HIPK2: variants seen among roughly 807,000 people sequenced by gnomAD.
HIPK2 encodes homeodomain interacting protein kinase 2.
HIPK2 carries 27 observed loss-of-function variants against 113.7 expected under a neutral mutation model. The observed-to-expected ratio is 0.24, with a 90% CI of 0.17 to 0.33. The LOEUF (loss-of-function observed/expected upper bound fraction) is 0.33, where lower values mean the gene tolerates loss of function less well. Ranked by LOEUF, HIPK2 falls within the 10% of genes least tolerant of loss-of-function variation. HIPK2 has a pLI of 1.00. For missense variants in HIPK2, 1,257 were observed against 1,588.0 expected (o/e 0.79, Z 3.54); for synonymous variants, 631 against 642.2 (o/e 0.98, Z 0.26).
rs568828191 is a variant in HIPK2 at position 139,754,024 on chromosome 7, C to T, written c.19+23581G>A. The stretch of plus-strand genomic sequence containing the variant: ...GCTTCCACCTGACTTCAAAGACGGG[C>T]GCCACGCTGGAGCCAGTGCACAACA... On this transcript the variant is annotated intron_variant, in intron 1 of 14. Coordinates refer to ENST00000406875, the MANE Select transcript of HIPK2 (RefSeq NM_022740.5). 1.7e-4 allele frequency among the ~76,000 whole-genome samples: 26 copies of T among 152,208 alleles called. 1 individual carries two copies. Among genetic ancestry groups the T allele is most frequent in the South Asian group, 4.1e-4 (2 of 4,832 alleles).
intron 2 of HIPK2, among the ~76,000 whole-genome samples, chr7:139,653,735 T>C (rs1014328625): frequency 1.3e-5 from 2 of 151,722 alleles, no homozygotes; most frequent in Non-Finnish European, 2.9e-5. Flanking sequence ...CTCGAGACTG[T>C]TGTTGTTTTT....
At chr7:139,720,572 C>T (rs1795378332) in intron 1 of HIPK2, among the ~76,000 whole-genome samples, 1 of 152,208 alleles carries the variant, frequency 6.6e-6, no homozygotes. Flanking sequence ...AGTCAACATC[C>T]CCCTTATTCT....
At chr7:139,739,836 T>C (rs950816880) in intron 1 of HIPK2, among the ~76,000 whole-genome samples, 4 of 152,186 alleles carry the variant, frequency 2.6e-5, no homozygotes, top group Non-Finnish European at 5.9e-5. Context: ...TCTGGCTTCT[T>C]TTGCTTAACA....
At chr7:139,745,272 T>G (rs1312280940) in intron 1 of HIPK2, among the ~76,000 whole-genome samples, 1 of 152,166 alleles carries the variant, frequency 6.6e-6, no homozygotes, top group Non-Finnish European at 1.5e-5. Context: ...AGGAGTGCTC[T>G]GAAAAGTCCC....
At chr7:139,633,679 T>A (rs1272460010) in intron 2 of HIPK2, among the ~76,000 whole-genome samples, 1 of 150,302 alleles carries the variant, frequency 6.7e-6, no homozygotes, top group Non-Finnish European at 1.5e-5. Context: ...GCGCAGTGGT[T>A]CAGGCCTGTA....
intron 1 of HIPK2, among the ~76,000 whole-genome samples, chr7:139,717,719 A>G (rs564889679): frequency 4.7e-5 from 7 of 148,106 alleles, no homozygotes; most frequent in African/African-American, 1.8e-4. Context: ...AGAAAGTACT[A>G]TTTCTTTTTG....
chr7:139,671,088 A>C (rs1409417914), intron 2 of HIPK2, among the ~76,000 whole-genome samples: 2 of 152,186 alleles, frequency 1.3e-5, no homozygotes, highest in African/African-American at 4.8e-5. Flanking sequence ...GCCAATTTTA[A>C]ATACCTTCTA....
Position 139,716,752 on chromosome 7 carries a change from C to T in HIPK2, c.283G>A (p.Val95Ile). The T allele has an allele frequency of 6.2e-7, 1 of 1,613,932 alleles. No homozygotes were observed. The highest frequency in any genetic ancestry group is 2.2e-5 in the East Asian group (1 of 44,880). Residue 95 changes from valine (V) to isoleucine (I), a missense_variant, in exon 2 of 15, where the codon GTC becomes ATC. This residue lies in a region of HIPK2 where 209 missense variants were observed against 237.8 expected (regional missense o/e 0.88). Transcript: ENST00000406875. This position sits in a 1 kb window ranked among gnomAD's most constrained non-coding sequence, Gnocchi z 9.3. The stretch of plus-strand genomic sequence containing the variant: ...ACAGAAGTGCTGCTTGCTGAGGTGA[C>T]CACGATGTGCCCGGTGCTTCCTGGG... ...VFPGSTGHIV[V>I]TSASSTSVTG...
At chr7:139,769,353 C>CTCCATCTCCACGGCCGCAGTGCCTT (rs1203472472) in intron 1 of HIPK2, among the ~76,000 whole-genome samples, 46 of 151,602 alleles carry the variant, frequency 3.0e-4, no homozygotes, top group East Asian at 3.9e-4. Flanking sequence ...CATGGCCCAC[C>CTCCATCTCCACGGCCGCAGTGCCTT]CCTGGCTGTC....
Position 139,707,632 on chromosome 7 carries a change from C to T in HIPK2, c.1103+8300G>A, listed in dbSNP as rs1030025715. ...TCTACTCGGGGACAGCCTCTTCCAT[C>T]GCAGACTGGGGACAGATACTGCAGA... On this transcript the variant is annotated intron_variant, in intron 2 of 14. Transcript: ENST00000406875. 4.6e-5 allele frequency among the ~76,000 whole-genome samples: 7 copies of T among 152,218 alleles called. 1 individual carries two copies. Among genetic ancestry groups the T allele is most frequent in the African/African-American group, 1.7e-4 (7 of 41,448 alleles).
intron 13 of HIPK2, among the ~76,000 whole-genome samples, chr7:139,579,200 G>A (rs1028967547): frequency 6.6e-6 from 1 of 152,182 alleles, no homozygotes; most frequent in Non-Finnish European, 1.5e-5. Flanking sequence ...GCCCAAAGTA[G>A]GGGTGTTCAA....
At chr7:139,679,533 C>T (rs774368129) in intron 2 of HIPK2, among the ~76,000 whole-genome samples, 1 of 152,138 alleles carries the variant, frequency 6.6e-6, no homozygotes, top group Non-Finnish European at 1.5e-5. Context: ...AACAACCTAT[C>T]GAACTGCCTT....
chr7:139,591,227 A>G (rs1425544093), intron 12 of HIPK2, among the ~76,000 whole-genome samples: 3 of 152,152 alleles, frequency 2.0e-5, no homozygotes, highest in African/African-American at 7.2e-5. Flanking sequence ...CACATATATC[A>G]CCCTTAAGAT....
At chr7:139,595,585 A>G (rs964889403) in intron 12 of HIPK2, among the ~76,000 whole-genome samples, 1 of 152,204 alleles carries the variant, frequency 6.6e-6, no homozygotes, top group Non-Finnish European at 1.5e-5. Flanking sequence ...AATGACAATT[A>G]GGCTGTACCT....
intron 2 of HIPK2, among the ~76,000 whole-genome samples, chr7:139,710,578 C>T (rs1004987226): frequency 6.6e-6 from 1 of 152,218 alleles, no homozygotes; most frequent in African/African-American, 2.4e-5. Context: ...AGACTGTGAA[C>T]TCTGCAAGAT....
Position 139,567,411 on chromosome 7 carries a change from AAAAG to A in HIPK2, c.*5512_*5515del, listed in dbSNP as rs775405825. On this transcript the variant is annotated 3_prime_UTR_variant, in exon 15 of 15. Coordinates refer to ENST00000406875, the MANE Select transcript of HIPK2 (RefSeq NM_022740.5). ...ATAAATGCATTTTTTTTTTTTAAAA[AAAAG>A]GACAGAGAGGAAAGAGAAAGACAAA... 1.3e-5 allele frequency: 2 copies of A among 152,042 alleles called. No homozygotes were observed. Among genetic ancestry groups the A allele is most frequent in the African/African-American group, 2.4e-5 (1 of 41,404 alleles). The allele number at this position is 152,042 out of a possible 1,614,324, so 9.4% of individuals were successfully genotyped here. A position where few individuals can be genotyped will look rare whatever the true frequency, so the allele number is the denominator to read the frequency against.
chr7:139,757,469 C>T (rs1159749104), intron 1 of HIPK2, among the ~76,000 whole-genome samples: 4 of 152,080 alleles, frequency 2.6e-5, no homozygotes, highest in African/African-American at 9.7e-5. Flanking sequence ...TGAAATCTCA[C>T]AAAAGAGAAC....
intron 14 of HIPK2, among the ~76,000 whole-genome samples, chr7:139,573,608 G>C (rs995266694): frequency 6.6e-6 from 1 of 152,170 alleles, no homozygotes; most frequent in Admixed American, 6.5e-5. Flanking sequence ...TTGGGAGGCA[G>C]AGGTGGGCGG....
chr7:139,644,838 A>T (rs1411097955), intron 2 of HIPK2, among the ~76,000 whole-genome samples: 1 of 152,200 alleles, frequency 6.6e-6, no homozygotes, highest in Non-Finnish European at 1.5e-5. Flanking sequence ...CAGCCTGGTG[A>T]TGTTACCCAC....
Sources: gnomAD v4.1 joint callset for allele counts (sites outside exome capture counted in the v4.1 genomes callset) on GRCh38, gnomAD v4.1.1 for gene constraint, gnomAD v4.1.1 regional missense constraint, Gnocchi (gnomAD v3.1) non-coding constraint, MANE v1.5 for transcripts, NCBI Gene and HGNC (gene_info 2026-07-23, HGNC 2026-07-21) for gene names.